Variants in DCN observed in about 807,000 individuals in gnomAD.
The protein encoded by DCN is decorin, also known as bone proteoglycan II.
DCN carries 17 observed loss-of-function variants against 36.5 expected under a neutral mutation model. That is an observed-to-expected ratio of 0.47 (90% confidence interval 0.32 to 0.70). The LOEUF is 0.70. Among genes scored for constraint, DCN ranks in the 30% least tolerant of loss-of-function variants. DCN has a pLI of 0.04. For missense variants in DCN, 389 were observed against 430.1 expected, an observed-to-expected ratio of 0.90 and a Z score of 0.84; for synonymous variants, 163 against 161.4, an observed-to-expected ratio of 1.01 and a Z score of -0.07.
chr12:91,155,000 C>A (rs1457239823), intron 5 of DCN, among the ~76,000 whole-genome samples: 1 of 152,114 alleles, frequency 6.6e-6, no homozygotes, highest in Non-Finnish European at 1.5e-5. Flanking sequence ...ACTGCCTTTC[C>A]ATTTCCATGA....
chr12:91,179,067 A>G (rs1883466536), intron 1 of DCN: 1 of 163,248 alleles, frequency 6.1e-6, no homozygotes. Flanking sequence ...AACTACTACA[A>G]GAGCTTCTAA....
At chr12:91,152,960 T>G in intron 6 of DCN, 136 bp downstream of exon 6, 1 of 650,014 alleles carries the variant, frequency 1.5e-6, no homozygotes, top group Non-Finnish European at 2.8e-6. Flanking sequence ...TGCTGAAGTT[T>G]GAGATTATAG....
At chr12:91,146,351 CTTTTTT>C (rs376886852) in intron 7 of DCN, 99 bp from the exon 8 acceptor site, 42 of 317,080 alleles carry the variant, frequency 1.3e-4, no homozygotes, top group Non-Finnish European at 1.8e-4. Context: ...TAATCCTTCA[CTTTTTT>C]TTTTTTTTTT....
Position 91,145,648 on chromosome 12 carries a change from C to A in DCN, c.*410G>T, listed in dbSNP as rs1328039153. 1 of 298,840 alleles carries A rather than the reference C, an allele frequency of 3.3e-6. No homozygotes were observed. The highest frequency in any genetic ancestry group is 3.2e-5 in the South Asian group (1 of 31,262). The allele number at this position is 298,840 out of a possible 1,614,324, so 18.5% of individuals were successfully genotyped here. On this transcript the variant is annotated 3_prime_UTR_variant, in exon 8 of 8. Coordinates refer to ENST00000052754, the MANE Select transcript of DCN (RefSeq NM_001920.5). ...TTACCAGTAATGATGGGGATTAATA[C>A]AGAGCTAGTGTTTGGCATTTGACTT... is the stretch of plus-strand genomic sequence containing the variant.
At chr12:91,154,029 G>A (rs779823883) in intron 5 of DCN, among the ~76,000 whole-genome samples, 1 of 152,072 alleles carries the variant, frequency 6.6e-6, no homozygotes, top group Non-Finnish European at 1.5e-5. Flanking sequence ...AATAGATACA[G>A]AGAAAATAGC....
chr12:91,170,184 TCTC>T (rs1882867649), intron 2 of DCN, among the ~76,000 whole-genome samples: 3 of 152,080 alleles, frequency 2.0e-5, no homozygotes, highest in Admixed American at 6.6e-5. Context: ...TACAAAATAA[TCTC>T]CTACCATAGT....
At chr12:91,158,018 G>T (rs1445144475) in intron 4 of DCN, among the ~76,000 whole-genome samples, 29 of 152,186 alleles carry the variant, frequency 1.9e-4, no homozygotes, top group Admixed American at 1.9e-3. Flanking sequence ...CTGTAGTTAA[G>T]CACTATTTAA....
chr12:91,160,357 C>A (rs1882081216), intron 3 of DCN, among the ~76,000 whole-genome samples: 1 of 151,724 alleles, frequency 6.6e-6, no homozygotes, highest in Non-Finnish European at 1.5e-5. Context: ...TAAACATGAT[C>A]TGAAAAATCT....
rs1881426959 is a variant in DCN at position 91,151,635 on chromosome 12, A to C, written c.885+19T>G. ...TTGCTTTTTGGATATTCCTCACATA[A>C]GCAGTGGCTTTGCATTACCTGGATG... On this transcript the variant is annotated intron_variant, in intron 7 of 7. Coordinates refer to ENST00000052754, the MANE Select transcript of DCN (RefSeq NM_001920.5). The C allele has an allele frequency of 3.1e-6, 5 of 1,613,864 alleles. No individual in the cohort carries two copies. Among genetic ancestry groups the C allele is most frequent in the Non-Finnish European group, 4.2e-6 (5 of 1,179,848 alleles).
chr12:91,181,433 C>T (rs1168778331), intron 1 of DCN, among the ~76,000 whole-genome samples: 1 of 151,896 alleles, frequency 6.6e-6, no homozygotes, highest in Admixed American at 6.6e-5. Flanking sequence ...GAGCAGCTGT[C>T]CAAGTAGTAA....
chr12:91,180,018 G>A (rs770562339), intron 1 of DCN, among the ~76,000 whole-genome samples: 2 of 151,782 alleles, frequency 1.3e-5, no homozygotes, highest in South Asian at 2.1e-4. Flanking sequence ...ATAAATCTGA[G>A]TGACAAAATC....
Position 91,158,488 on chromosome 12 carries a change from T to C in DCN, c.346A>G (p.Lys116Glu), listed in dbSNP as rs771259588. The C allele has an allele frequency of 1.9e-6, 3 of 1,592,314 alleles. No individual in the cohort carries two copies. Among genetic ancestry groups the C allele is most frequent in the Non-Finnish European group, 2.6e-6 (3 of 1,160,104 alleles). The part of the protein sequence containing the change: ...NLHALILVNN[K>E]ISKVSPGAFT... ...GCTCCAGGACTAACTTTGCTAATTT[T>C]ATTGTTGACAAGAATCAATGCCTGT... Residue 116 changes from lysine (K) to glutamate (E), a missense_variant, in exon 4 of 8, where the codon AAA (lysine) becomes GAA (glutamate). Lys to Glu is a moderately conservative substitution (Grantham distance 56, BLOSUM62 1). Coordinates refer to ENST00000052754, the MANE Select transcript of DCN (RefSeq NM_001920.5).
At chr12:91,162,087 C>G (rs368917964) in intron 3 of DCN, among the ~76,000 whole-genome samples, 4 of 152,022 alleles carry the variant, frequency 2.6e-5, no homozygotes, top group African/African-American at 9.6e-5. Flanking sequence ...ACTACAGGAG[C>G]GCGCCACCAT....
chr12:91,161,747 A>T (rs928928119), intron 3 of DCN, among the ~76,000 whole-genome samples: 1 of 152,204 alleles, frequency 6.6e-6, no homozygotes, highest in Non-Finnish European at 1.5e-5. Context: ...TTGTACAGAA[A>T]GTCCTTCAAA....
Position 91,144,659 on chromosome 12 carries a change from C to T in DCN, c.*1399G>A, listed in dbSNP as rs1880908215. On this transcript the variant is annotated 3_prime_UTR_variant, in exon 8 of 8. Coordinates refer to ENST00000052754, the MANE Select transcript of DCN (RefSeq NM_001920.5). ...TTTGATTAAGCCTCCTTTATGCCAA[C>T]CTGTCAGAGGTGTGTCCCAGCATAC... 1 of 152,188 alleles carries T rather than the reference C, an allele frequency of 6.6e-6. No individual in the cohort carries two copies. Among genetic ancestry groups the T allele is most frequent in the African/African-American group, 2.4e-5 (1 of 41,434 alleles). 9.4% of individuals were successfully genotyped at this position (152,188 alleles called of 1,614,324 possible).
chr12:91,153,272 C>T, intron 5 of DCN, 83 bp from the exon 6 acceptor site: 1 of 813,994 alleles, frequency 1.2e-6, no homozygotes. Context: ...AAGACATATG[C>T]CATCAATTTT....
chr12:91,148,438 C>G (rs1208001612), intron 7 of DCN, among the ~76,000 whole-genome samples: 1 of 151,830 alleles, frequency 6.6e-6, no homozygotes, highest in South Asian at 2.1e-4. Flanking sequence ...ACTTGAAAGC[C>G]TGGGCGTGGT....
intron 2 of DCN, among the ~76,000 whole-genome samples, chr12:91,166,148 GA>G (rs1882554014): frequency 6.6e-6 from 1 of 152,040 alleles, no homozygotes; most frequent in African/African-American, 2.4e-5. Flanking sequence ...CTGCTCCATT[GA>G]TAGTTGGGGT....
chr12:91,150,739 G>A (rs562082018), intron 7 of DCN: 1 of 152,220 alleles, frequency 6.6e-6, no homozygotes, highest in South Asian at 2.1e-4. Context: ...TCCCATTACT[G>A]GGTATATACC....
Sources: allele counts gnomAD v4.1 joint callset (sites outside exome capture counted in the v4.1 genomes callset), GRCh38; gene constraint gnomAD v4.1.1; transcripts MANE v1.5; gene names NCBI Gene and HGNC (gene_info 2026-07-23, HGNC 2026-07-21).